Variants in SLC35F3 observed in about 807,000 individuals in gnomAD.
SLC35F3 encodes putative thiamine transporter SLC35F3.
A neutral mutation model predicts 49.9 loss-of-function variants in SLC35F3; 25 were observed. That is an observed-to-expected ratio of 0.50 (90% CI 0.37 to 0.70). The LOEUF is 0.70. Among genes scored for constraint, SLC35F3 ranks in the 30% least tolerant of loss-of-function variants. The pLI, the probability that SLC35F3 is intolerant of heterozygous loss-of-function variation, is 0.00. For missense variants in SLC35F3, 525 were observed against 639.8 expected, an observed-to-expected ratio of 0.82 and a Z score of 1.94; for synonymous variants, 275 against 265.4, an observed-to-expected ratio of 1.04 and a Z score of -0.35.
intron 3 of SLC35F3, among the ~76,000 whole-genome samples, chr1:234,273,339 A>G (rs1668140008): frequency 6.6e-6 from 1 of 152,224 alleles, no homozygotes; most frequent in African/African-American, 2.4e-5. Flanking sequence ...ACTGCCCAGA[A>G]GGGCCCACAC....
intron 3 of SLC35F3, among the ~76,000 whole-genome samples, chr1:234,253,329 C>CA (rs759155293): frequency 1.7e-3 from 256 of 148,744 alleles, no homozygotes; most frequent in Non-Finnish European, 3.0e-3. Flanking sequence ...AACTTCATCT[C>CA]AAAAAAAATA....
Position 234,281,081 on chromosome 1 carries a change from T to C in SLC35F3, c.609-28020T>C, listed in dbSNP as rs915435375. Among the ~76,000 whole-genome samples the C allele has an allele frequency of 2.7e-5, 4 of 148,488 alleles. No homozygotes were observed. The East Asian group carries it at 5.9e-4, about 22-fold the overall frequency. On this transcript the variant is annotated intron_variant, in intron 3 of 7. Transcript: ENST00000366618. ...TGTGAGTGTTATGGGCTAAATTGTGTCCCCCCCCCATGCTCAAATTCATAT... is the reference window on the plus strand; with the variant it reads ...TGTGAGTGTTATGGGCTAAATTGTGCCCCCCCCCCATGCTCAAATTCATAT...
chr1:234,130,903 A>G (rs555278304), intron 2 of SLC35F3, among the ~76,000 whole-genome samples: 2 of 151,606 alleles, frequency 1.3e-5, no homozygotes, highest in Admixed American at 6.6e-5. Flanking sequence ...AAAACGTGGA[A>G]GCAACCAAAC....
intron 2 of SLC35F3, among the ~76,000 whole-genome samples, chr1:234,043,402 A>G (rs1664250255): frequency 6.6e-6 from 1 of 152,196 alleles, no homozygotes; most frequent in African/African-American, 2.4e-5. Flanking sequence ...ATTATATTAA[A>G]CTCATACACA....
At chr1:234,075,341 G>T (rs572653439) in intron 2 of SLC35F3, among the ~76,000 whole-genome samples, 1 of 152,276 alleles carries the variant, frequency 6.6e-6, no homozygotes, top group East Asian at 1.9e-4. Flanking sequence ...ACCTCATTAT[G>T]GGGAGAGCCA....
At chr1:234,117,221 A>G (rs1665500252) in intron 2 of SLC35F3, among the ~76,000 whole-genome samples, 1 of 152,190 alleles carries the variant, frequency 6.6e-6, no homozygotes, top group Non-Finnish European at 1.5e-5. Flanking sequence ...CATGACTCTT[A>G]GCTCTGAGTG....
At chr1:234,005,286 A>C (rs994259775) in intron 2 of SLC35F3, among the ~76,000 whole-genome samples, 7 of 152,118 alleles carry the variant, frequency 4.6e-5, no homozygotes, top group African/African-American at 1.7e-4. Context: ...TTTTTTCCTT[A>C]ATTTTAATCT....
chr1:234,256,333 G>A (rs78637105), intron 3 of SLC35F3, among the ~76,000 whole-genome samples: 3,904 of 152,268 alleles, frequency 0.026, 77 homozygotes, highest in Middle Eastern at 0.068. Flanking sequence ...AAGCTCCCCT[G>A]AATGATTGAA....
At chr1:234,032,433 A>AGTG (rs1446738455) in intron 2 of SLC35F3, among the ~76,000 whole-genome samples, 2 of 152,088 alleles carry the variant, frequency 1.3e-5, no homozygotes, top group Non-Finnish European at 2.9e-5. Context: ...CAAGTTCTTT[A>AGTG]GTGGTGATCT....
rs184574496 is a variant in SLC35F3, at chr1:234,134,737, T to G, written c.284-96680T>G. ...TTTTTTGTGGGTTTTTTGGTTTGTTTTTTTGAGACAGTCTCGCTCTGTTGC... is the reference window on the plus strand; with the variant it reads ...TTTTTTGTGGGTTTTTTGGTTTGTTGTTTTGAGACAGTCTCGCTCTGTTGC... On this transcript the variant is annotated intron_variant, in intron 2 of 7. Coordinates refer to ENST00000366618, the MANE Select transcript of SLC35F3 (RefSeq NM_173508.4). 1.6e-3 allele frequency among the ~76,000 whole-genome samples: 245 copies of G among 152,200 alleles called. 1 individual carries two copies. The highest frequency in any genetic ancestry group is 3.7e-3 in the Admixed American group (57 of 15,286).
intron 2 of SLC35F3, among the ~76,000 whole-genome samples, chr1:234,145,455 C>G (rs1215876472): frequency 6.6e-6 from 1 of 151,898 alleles, no homozygotes; most frequent in African/African-American, 2.4e-5. Context: ...TCTTTTTTCT[C>G]CCTGTGGTTC....
intron 2 of SLC35F3, among the ~76,000 whole-genome samples, chr1:234,208,859 AAAAC>A (rs1238635512): frequency 6.6e-6 from 1 of 152,206 alleles, no homozygotes; most frequent in Non-Finnish European, 1.5e-5. Flanking sequence ...ATATCAATGA[AAAAC>A]AAACAAGAGA....
intron 2 of SLC35F3, among the ~76,000 whole-genome samples, chr1:233,956,126 G>T (rs1320426182): frequency 6.6e-6 from 1 of 152,040 alleles, no homozygotes; most frequent in Non-Finnish European, 1.5e-5. Flanking sequence ...GACCTCAGGT[G>T]ATCCTCCCGT....
At chr1:234,038,129 A>C (rs1664170919) in intron 2 of SLC35F3, among the ~76,000 whole-genome samples, 1 of 104,462 alleles carries the variant, frequency 9.6e-6, no homozygotes, top group African/African-American at 3.7e-5. Flanking sequence ...CCACCCCACA[A>C]CAGTCCCCAG....
At chr1:233,935,972 C>T (rs1360877455) in intron 2 of SLC35F3, among the ~76,000 whole-genome samples, 1 of 152,146 alleles carries the variant, frequency 6.6e-6, no homozygotes, top group Non-Finnish European at 1.5e-5. Context: ...CTTTCAACAA[C>T]CTCAGCTCTT....
intron 2 of SLC35F3, among the ~76,000 whole-genome samples, chr1:234,100,245 A>C (rs761851710): frequency 1.3e-5 from 2 of 152,230 alleles, no homozygotes; most frequent in African/African-American, 2.4e-5. Flanking sequence ...ATTCTGAATG[A>C]AACCTTTGTG....
chr1:233,966,786 T>A (rs1662912750), intron 2 of SLC35F3, among the ~76,000 whole-genome samples: 1 of 152,238 alleles, frequency 6.6e-6, no homozygotes, highest in Non-Finnish European at 1.5e-5. Context: ...TACAGATTTA[T>A]GGGGGTGGTT....
At chr1:234,163,410 G>A (rs1367962187) in intron 2 of SLC35F3, among the ~76,000 whole-genome samples, 1 of 152,138 alleles carries the variant, frequency 6.6e-6, no homozygotes, top group African/African-American at 2.4e-5. Flanking sequence ...AGAGGAAGGC[G>A]GAGACAAAGA....
In SLC35F3 at chr1:234,061,369, C is replaced by A. The variant is rs116561621; in HGVS notation, c.283+155611C>A. ...CTCTTTTAAATGATAAGCCAGTTTT[C>A]TCTTTCTGCTTTCAAAACTTTCTCT... On this transcript the variant is annotated intron_variant, in intron 2 of 7. Coordinates refer to ENST00000366618, the MANE Select transcript of SLC35F3 (RefSeq NM_173508.4). Among the ~76,000 whole-genome samples the A allele has an allele frequency of 4.7e-3, 716 of 152,130 alleles. 9 individuals are homozygous for A. Among genetic ancestry groups the A allele is most frequent in the African/African-American group, 0.016 (684 of 41,520 alleles).
Sources: gnomAD v4.1 joint callset for allele counts (sites outside exome capture counted in the v4.1 genomes callset) on GRCh38, gnomAD v4.1.1 for gene constraint, MANE v1.5 for transcripts, NCBI Gene and HGNC (gene_info 2026-07-23, HGNC 2026-07-21) for gene names.